Variants in ADAMTSL1 observed in about 807,000 individuals in gnomAD.
ADAMTSL1 encodes ADAMTS-like protein 1.
A neutral mutation model predicts 201.8 loss-of-function variants in ADAMTSL1; 126 were observed. The observed-to-expected ratio is 0.62, with a 90% CI of 0.54 to 0.72. ADAMTSL1 has a LOEUF of 0.72. Ranked by LOEUF, ADAMTSL1 falls within the 30% of genes least tolerant of loss-of-function variation. ADAMTSL1 has a pLI of 0.00. For missense variants in ADAMTSL1, 2,679 were observed against 2,277.8 expected (o/e 1.18, Z -3.59); for synonymous variants, 1,121 against 903.4 (o/e 1.24, Z -4.32).
chr9:18,837,519 G>C (rs1463003153), intron 23 of ADAMTSL1, among the ~76,000 whole-genome samples: 1 of 152,190 alleles, frequency 6.6e-6, no homozygotes, highest in Non-Finnish European at 1.5e-5. Context: ...TGTGGAAACA[G>C]ATACTATTCC....
chr9:18,278,333 G>T (rs546393734), intron 2 of ADAMTSL1, among the ~76,000 whole-genome samples: 1 of 152,140 alleles, frequency 6.6e-6, no homozygotes, highest in African/African-American at 2.4e-5. Flanking sequence ...TGGTACAGCA[G>T]GTCTAGAGGT....
At chr9:18,599,936 A>G (rs965807284) in intron 4 of ADAMTSL1, among the ~76,000 whole-genome samples, 1 of 149,610 alleles carries the variant, frequency 6.7e-6, no homozygotes, top group African/African-American at 2.5e-5. Context: ...GCAGATCAGA[A>G]GGTCAGGAAA....
chr9:18,383,505 C>T (rs1837649431), intron 2 of ADAMTSL1, among the ~76,000 whole-genome samples: 1 of 152,002 alleles, frequency 6.6e-6, no homozygotes, highest in Non-Finnish European at 1.5e-5. Flanking sequence ...GCCCAGCTGA[C>T]CCCCAGAATC....
In ADAMTSL1 at chr9:18,706,991, G is replaced by A. The variant is rs547340684; in HGVS notation, c.1819G>A (p.Glu607Lys). 186 of 1,613,904 alleles carry A rather than the reference G, an allele frequency of 1.2e-4. No homozygotes were observed. Among genetic ancestry groups the A allele is most frequent in the Admixed American group, 4.8e-4 (29 of 60,008 alleles). ...GLFGGLQDFD[E>K]LYDWEYEGFT... ...CTTTGGTGGCCTGCAGGATTTCGAC[G>A]AGCTGTATGACTGGGAGTATGAGGG... Residue 607 changes from glutamate (E) to lysine (K), a missense_variant, in exon 14 of 29, where the codon GAG becomes AAG. Physicochemically the swap from Glu to Lys is moderately conservative, Grantham distance 56 (BLOSUM62 1). Coordinates refer to ENST00000380548, the MANE Select transcript of ADAMTSL1 (RefSeq NM_001040272.6).
intron 19 of ADAMTSL1, among the ~76,000 whole-genome samples, chr9:18,788,200 A>C (rs560914997): frequency 1.3e-5 from 2 of 152,148 alleles, no homozygotes; most frequent in African/African-American, 4.8e-5. Flanking sequence ...ACAAAATAAA[A>C]TTCTCCCTTG....
At chr9:18,079,576 G>T (rs1823387253) in intron 1 of ADAMTSL1, among the ~76,000 whole-genome samples, 2 of 151,930 alleles carry the variant, frequency 1.3e-5, no homozygotes, top group South Asian at 2.1e-4. Context: ...CAGCTACTTG[G>T]GAGGCTGAGG....
At chr9:18,185,873 A>T (rs917616053) in intron 2 of ADAMTSL1, among the ~76,000 whole-genome samples, 1 of 152,062 alleles carries the variant, frequency 6.6e-6, no homozygotes, top group Non-Finnish European at 1.5e-5. Context: ...AAAGTTTCAC[A>T]ATTATTGATG....
At chr9:18,737,176 G>A (rs988872235) in intron 15 of ADAMTSL1, among the ~76,000 whole-genome samples, 48 of 152,058 alleles carry the variant, frequency 3.2e-4, no homozygotes, top group East Asian at 9.7e-4. Context: ...AAAATTAGCC[G>A]GGCGTGATGG....
At position 18,828,915 on chromosome 9, in the gene ADAMTSL1, G is replaced by A. The variant is rs556712961; in HGVS notation, c.4115-928G>A. ...CGTAGTAGGGCTGTTGCAGAATGCTGTTGAAATGACCATCCATTTCAAGAG... is the reference window on the plus strand; with the variant it reads ...CGTAGTAGGGCTGTTGCAGAATGCTATTGAAATGACCATCCATTTCAAGAG... On this transcript the variant is annotated intron_variant, in intron 22 of 28. Transcript: ENST00000380548. Among the ~76,000 whole-genome samples, 12 of 151,912 alleles carry A rather than the reference G, an allele frequency of 7.9e-5. No homozygotes were observed. The East Asian group carries it at 2.3e-3, about 30-fold the overall frequency.
rs182635014 is a variant in ADAMTSL1, at chr9:18,171,876, C to T, written c.207+7895C>T. Among the ~76,000 whole-genome samples, 254 of 152,120 alleles carry T rather than the reference C, an allele frequency of 1.7e-3. No homozygotes were observed. In the East Asian group the frequency reaches 0.037, roughly 22 times the overall value. ...TTTGTGTAAGGTGTAAGGAAGGGAT[C>T]CAGTTTCAGCTTTCTGCATATGGCT... On this transcript the variant is annotated intron_variant, in intron 2 of 29. Coordinates refer to the ADAMTSL1 transcript ENST00000680146.
At chr9:18,656,686 G>A (rs1344701716) in intron 7 of ADAMTSL1, among the ~76,000 whole-genome samples, 3 of 150,988 alleles carry the variant, frequency 2.0e-5, no homozygotes, top group Non-Finnish European at 3.0e-5. Context: ...AATACTTAGG[G>A]CAAGTGGTTC....
chr9:18,038,073 C>G (rs1232352158), intron 1 of ADAMTSL1, among the ~76,000 whole-genome samples: 1 of 152,208 alleles, frequency 6.6e-6, no homozygotes, highest in East Asian at 1.9e-4. Context: ...CTGGGACCAA[C>G]AAGATGCAGT....
intron 1 of ADAMTSL1, among the ~76,000 whole-genome samples, chr9:17,929,385 G>T (rs1175251956): frequency 6.6e-6 from 1 of 151,738 alleles, no homozygotes; most frequent in African/African-American, 2.4e-5. Flanking sequence ...GTATCCCTAA[G>T]AACCAATTTT....
At chr9:18,704,044 A>T (rs891089102) in intron 13 of ADAMTSL1, among the ~76,000 whole-genome samples, 1 of 152,072 alleles carries the variant, frequency 6.6e-6, no homozygotes. Context: ...AAGTTTGAGG[A>T]TTATCTATAG....
intron 1 of ADAMTSL1, among the ~76,000 whole-genome samples, chr9:18,013,440 G>A (rs1820134767): frequency 6.6e-6 from 1 of 151,998 alleles, no homozygotes; most frequent in South Asian, 2.1e-4. Flanking sequence ...GGTCTGTACA[G>A]TCTTACCTTG....
chr9:18,181,399 G>A (rs201759099), intron 2 of ADAMTSL1, among the ~76,000 whole-genome samples: 3 of 151,878 alleles, frequency 2.0e-5, no homozygotes, highest in Admixed American at 6.6e-5. Context: ...TGACCAAGGG[G>A]TAATATCCAG....
intron 2 of ADAMTSL1, among the ~76,000 whole-genome samples, chr9:18,509,162 G>A (rs1817864348): frequency 1.4e-5 from 1 of 70,958 alleles, no homozygotes; most frequent in South Asian, 4.1e-4. Flanking sequence ...CCGCAGTCCG[G>A]CCTGGGCGAC....
chr9:18,733,850 G>A (rs1283893606), intron 15 of ADAMTSL1, among the ~76,000 whole-genome samples: 2 of 151,484 alleles, frequency 1.3e-5, no homozygotes, highest in East Asian at 1.9e-4. Flanking sequence ...TCACTTGTAC[G>A]GGGTACAGTC....
At chr9:17,925,150 A>G (rs1325535600) in intron 1 of ADAMTSL1, among the ~76,000 whole-genome samples, 2 of 105,310 alleles carry the variant, frequency 1.9e-5, no homozygotes, top group African/African-American at 6.4e-5. Context: ...CAAAACCACT[A>G]TGAGATACCA....
Sources: allele counts gnomAD v4.1 joint callset (sites outside exome capture counted in the v4.1 genomes callset), GRCh38; gene constraint gnomAD v4.1.1; transcripts MANE v1.5; gene names NCBI Gene and HGNC (gene_info 2026-07-23, HGNC 2026-07-21).